The following HMCN2 variants were observed in gnomAD, a reference collection of about 807,000 sequenced individuals.
The protein encoded by HMCN2 is hemicentin-2.
In HMCN2, 325 loss-of-function variants were observed where a neutral mutation model predicts 377.5. The observed-to-expected ratio is 0.86, with a 90% confidence interval of 0.79 to 0.94. The LOEUF is 0.94. Ranked by LOEUF, HMCN2 falls within the 40% of genes least tolerant of loss-of-function variation. HMCN2 has a pLI of 0.00. For synonymous variants in HMCN2, 2,007 were observed against 2,046.8 expected, an observed-to-expected ratio of 0.98 and a Z score of 0.53; for missense variants, 4,543 against 4,725.3, an observed-to-expected ratio of 0.96 and a Z score of 1.13.
intron 22 of HMCN2, among the ~76,000 whole-genome samples, chr9:130,333,615 G>A (rs1253951510): frequency 3.3e-5 from 5 of 152,182 alleles, no homozygotes; most frequent in South Asian, 2.1e-4. Context: ...ATCACACCAT[G>A]TGCCCAACAG....
intron 23 of HMCN2, among the ~76,000 whole-genome samples, chr9:130,340,026 C>T (rs1838963154): frequency 6.6e-6 from 1 of 152,258 alleles, no homozygotes; most frequent in South Asian, 2.1e-4. Flanking sequence ...GTGCCAGCTC[C>T]TATCCCCTGA....
chr9:130,302,193 A>G (rs1287546776), intron 8 of HMCN2, among the ~76,000 whole-genome samples: 3 of 152,048 alleles, frequency 2.0e-5, no homozygotes, highest in Admixed American at 6.6e-5. Flanking sequence ...GATTACAGGA[A>G]CGCGACACCA....
At chr9:130,426,710 G>A (rs1278523030) in intron 90 of HMCN2, among the ~76,000 whole-genome samples, 1 of 151,846 alleles carries the variant, frequency 6.6e-6, no homozygotes, top group Non-Finnish European at 1.5e-5. Flanking sequence ...TTTGAATGCG[G>A]CCCAACACAA....
chr9:130,355,037 G>A lies in HMCN2; in HGVS notation c.5139G>A (p.Glu1713=). ...AGEAVLQYSV[E]VQVPPQLLVA... is the part of the protein sequence containing the mutation. ...AAGCCGTCCTGCAGTACTCCGTGGAGGTTCAGGGTGAGCCCGGCCCACCCC... is the reference window on the plus strand; with the variant it reads ...AAGCCGTCCTGCAGTACTCCGTGGAAGTTCAGGGTGAGCCCGGCCCACCCC... The change falls in exon 32 of 98, where the codon GAG becomes GAA. Residue 1713 remains glutamate (E), a synonymous_variant. Transcript: ENST00000683500. The A allele has an allele frequency of 7.8e-7, 1 of 1,278,590 alleles. No individual in the cohort carries two copies. The highest frequency in any genetic ancestry group is 1.5e-5 in the African/African-American group (1 of 65,746). 79.2% of individuals were successfully genotyped at this position (1,278,590 alleles called of 1,614,324 possible). A position where few individuals can be genotyped will look rare whatever the true frequency, so the allele number is the denominator to read the frequency against.
At chr9:130,355,926 A>T in intron 33 of HMCN2, 72 bp downstream of exon 33, 1 of 1,012,760 alleles carries the variant, frequency 9.9e-7, no homozygotes, top group South Asian at 1.4e-5. Context: ...TGTGGGGGGA[A>T]GTGGACAGGA....
chr9:130,385,487 A>G, intron 59 of HMCN2, 73 bp from the exon 60 acceptor site: 1 of 1,143,602 alleles, frequency 8.7e-7, no homozygotes, highest in African/African-American at 1.6e-5. Flanking sequence ...TTCCACTGGC[A>G]TTTTCCCTGT....
intron 95 of HMCN2, 73 bp downstream of exon 95, chr9:130,430,677 G>A (rs1844690162): frequency 1.5e-6 from 2 of 1,374,064 alleles, no homozygotes; most frequent in South Asian, 3.0e-5. Context: ...GGGTGTGCAG[G>A]TGTCACCCAC....
rs913868773 is a variant in HMCN2 at position 130,315,803 on chromosome 9, G to A, written c.2351-3692G>A. On this transcript the variant is annotated intron_variant, in intron 15 of 97. Coordinates refer to ENST00000683500, the MANE Select transcript of HMCN2 (RefSeq NM_001291815.2). ...CCTCTGCCTTCTCTCAGGTCCTCTC[G>A]TGGCCTTTCCTTGGGACCTATGGGT... is the stretch of plus-strand genomic sequence containing the variant. Among the ~76,000 whole-genome samples, 18 of 152,214 alleles carry A rather than the reference G, an allele frequency of 1.2e-4. No individual in the cohort carries two copies. In the East Asian group the frequency reaches 2.5e-3, roughly 21 times the overall value.
At chr9:130,392,417 C>T (rs1288305583) in intron 66 of HMCN2, among the ~76,000 whole-genome samples, 1 of 152,136 alleles carries the variant, frequency 6.6e-6, no homozygotes, top group Non-Finnish European at 1.5e-5. Flanking sequence ...CTGTGCCTGT[C>T]ACTGGGGACT....
rs901177183 is a variant in HMCN2, at chr9:130,403,090, C to G, written c.11879-104C>G. Reference sequence around the variant, plus strand: ...GCTGTGGCCGATGTTTCTAGAACCCCCGTTCTCCTTAGAGGCCTCTCTCTC... The same window carrying G: ...GCTGTGGCCGATGTTTCTAGAACCCGCGTTCTCCTTAGAGGCCTCTCTCTC... On this transcript the variant is annotated intron_variant, in intron 78 of 97. Coordinates refer to ENST00000683500, the MANE Select transcript of HMCN2 (RefSeq NM_001291815.2). 18 of 1,144,364 alleles carry G rather than the reference C, an allele frequency of 1.6e-5. No homozygotes were observed. In the South Asian group the frequency reaches 2.4e-4, roughly 15 times the overall value. The allele number at this position is 1,144,364 out of a possible 1,614,324, so 70.9% of individuals were successfully genotyped here.
intron 4 of HMCN2, among the ~76,000 whole-genome samples, chr9:130,292,956 C>CTCTATCTATCTA (rs139794898): frequency 4.0e-4 from 58 of 144,786 alleles, no homozygotes; most frequent in African/African-American, 7.3e-4. Context: ...GGATCAATTG[C>CTCTATCTATCTA]TCTATCTATC....
chr9:130,359,766 G>A (rs947451295), intron 37 of HMCN2, among the ~76,000 whole-genome samples: 21 of 152,186 alleles, frequency 1.4e-4, no homozygotes, highest in Non-Finnish European at 2.8e-4. Flanking sequence ...GCTGGGGGCT[G>A]GGTGTGGGTG....
At chr9:130,374,723 G>A (rs1841281843) in intron 49 of HMCN2, 30 bp downstream of exon 49, 4 of 979,968 alleles carry the variant, frequency 4.1e-6, no homozygotes, top group Non-Finnish European at 4.9e-6. Flanking sequence ...TGGCCACCGC[G>A]GGTGCTGGAG....
chr9:130,373,363 G>T (rs1340096379), intron 48 of HMCN2, among the ~76,000 whole-genome samples: 1 of 152,202 alleles, frequency 6.6e-6, no homozygotes, highest in African/African-American at 2.4e-5. Flanking sequence ...TCCACAGGGA[G>T]TCCTTGGCTG....
At chr9:130,311,211 C>T (rs995848275) in intron 15 of HMCN2, among the ~76,000 whole-genome samples, 12 of 152,200 alleles carry the variant, frequency 7.9e-5, no homozygotes, top group Admixed American at 2.6e-4. Flanking sequence ...CGCAGAGAAT[C>T]GAGAATGTGC....
chr9:130,308,732 T>C lies in HMCN2; in HGVS notation c.2200+1166T>C, dbSNP rs1837041180. On this transcript the variant is annotated intron_variant, in intron 14 of 97. Coordinates refer to ENST00000683500, the MANE Select transcript of HMCN2 (RefSeq NM_001291815.2). The surrounding 1 kb of genome is among the most constrained non-coding windows in gnomAD (Gnocchi z 4.1). ...AGCCCTAGAGCCCCACTTTAAAAGG[T>C]GGCCTTGCCATGAAATATTCTTCCA... Among the ~76,000 whole-genome samples, 1 of 152,180 alleles carries C rather than the reference T, an allele frequency of 6.6e-6. No homozygotes were observed. Among genetic ancestry groups the C allele is most frequent in the South Asian group, 2.1e-4 (1 of 4,830 alleles).
At chr9:130,426,960 G>A (rs1844413628) in intron 90 of HMCN2, among the ~76,000 whole-genome samples, 2 of 152,084 alleles carry the variant, frequency 1.3e-5, no homozygotes, top group South Asian at 2.1e-4. Context: ...CCCGTCTGAC[G>A]CTATCCTCTG....
In HMCN2 at chr9:130,355,018, T is replaced by G. The variant is rs1588295881; in HGVS notation, c.5120T>G (p.Val1707Gly). The change falls in exon 32 of 98, where the codon GTC becomes GGC. Residue 1707 changes from valine to glycine, a missense_variant. Around this residue, in one of 5 missense-constraint regions of HMCN2, gnomAD observed 1,032 missense variants for 1,285.1 expected, o/e 0.80. Coordinates refer to ENST00000683500, the MANE Select transcript of HMCN2 (RefSeq NM_001291815.2). ...GCCAGCAGTCCTGCCGGGGAAGCCG[T>G]CCTGCAGTACTCCGTGGAGGTTCAG... is the stretch of plus-strand genomic sequence containing the variant. ...CVASSPAGEAVLQYSVEVQVP... is the reference protein window; with the variant it reads ...CVASSPAGEAGLQYSVEVQVP... 1 of 1,290,294 alleles carries G rather than the reference T, an allele frequency of 7.8e-7. No homozygotes were observed. The highest frequency in any genetic ancestry group is 1.0e-6 in the Non-Finnish European group (1 of 987,786). 79.9% of individuals were successfully genotyped at this position (1,290,294 alleles called of 1,614,324 possible). A position where few individuals can be genotyped will look rare whatever the true frequency, so the allele number is the denominator to read the frequency against.
intron 14 of HMCN2, among the ~76,000 whole-genome samples, 195 bp downstream of exon 14, chr9:130,307,761 C>T (rs7043796): frequency 0.16 from 24,635 of 151,878 alleles, 2,674 homozygotes; most frequent in East Asian, 0.52. Context: ...GTTGACACAG[C>T]TCATGTAGGT....
Sources: gnomAD v4.1 joint callset for allele counts (sites outside exome capture counted in the v4.1 genomes callset) on GRCh38, gnomAD v4.1.1 for gene constraint, gnomAD v4.1.1 regional missense constraint, Gnocchi (gnomAD v3.1) non-coding constraint, MANE v1.5 for transcripts, NCBI Gene and HGNC (gene_info 2026-07-23, HGNC 2026-07-21) for gene names.